The following KIF16B variants were observed in gnomAD, a reference collection of about 807,000 sequenced individuals.
KIF16B encodes kinesin family member 16B.
A neutral mutation model predicts 156.3 loss-of-function variants in KIF16B; 98 were observed. The ratio of observed to expected loss-of-function variants is 0.63; its 90% CI spans 0.53 to 0.74. The LOEUF is 0.74. Among genes scored for constraint, KIF16B ranks in the 30% least tolerant of loss-of-function variants. The pLI, the probability that KIF16B is intolerant of heterozygous loss-of-function variation, is 0.00. For synonymous variants in KIF16B, 564 were observed against 583.7 expected (o/e 0.97, Z 0.49); for missense variants, 1,421 against 1,606.5 (o/e 0.88, Z 1.97).
At chr20:16,480,815 T>C (rs1255305152) in intron 12 of KIF16B, among the ~76,000 whole-genome samples, 1 of 151,934 alleles carries the variant, frequency 6.6e-6, no homozygotes, top group East Asian at 1.9e-4. Flanking sequence ...AATAGTTTTT[T>C]TTTAATTCTG....
At chr20:16,457,836 G>A (rs1209319452) in intron 12 of KIF16B, among the ~76,000 whole-genome samples, 3 of 151,970 alleles carry the variant, frequency 2.0e-5, no homozygotes, top group South Asian at 2.1e-4. Context: ...TAGCCACGCC[G>A]GCACACTGGT....
intron 12 of KIF16B, among the ~76,000 whole-genome samples, chr20:16,487,641 C>A (rs1002911): frequency 0.22 from 33,110 of 152,104 alleles, 7,143 homozygotes; most frequent in African/African-American, 0.56. Flanking sequence ...AAACTCAGAA[C>A]ATCTTAAGCC....
At chr20:16,371,602 A>T in intron 21 of KIF16B, 63 bp downstream of exon 21, 1 of 1,094,524 alleles carries the variant, frequency 9.1e-7, no homozygotes, top group Non-Finnish European at 1.3e-6. Context: ...AAAAAAAAAA[A>T]AAAAGGAAAA....
At chr20:16,360,992 G>A (rs967924838) in intron 22 of KIF16B, among the ~76,000 whole-genome samples, 19 of 152,104 alleles carry the variant, frequency 1.2e-4, no homozygotes, top group Admixed American at 5.9e-4. Flanking sequence ...TGTACCAGAC[G>A]GTCAAATTCA....
intron 15 of KIF16B, among the ~76,000 whole-genome samples, chr20:16,411,971 T>TGTGTGA (rs1191802935): frequency 9.4e-5 from 14 of 149,700 alleles, no homozygotes; most frequent in African/African-American, 3.5e-4. Context: ...TGTGTGTGTG[T>TGTGTGA]GACTCATTGC....
intron 15 of KIF16B, among the ~76,000 whole-genome samples, chr20:16,409,433 C>T (rs1267500269): frequency 1.3e-5 from 2 of 151,952 alleles, no homozygotes; most frequent in Non-Finnish European, 2.9e-5. Context: ...TGTGTTTTAT[C>T]TAGTTGTAAG....
At chr20:16,281,955 A>T (rs530159787) in intron 25 of KIF16B, among the ~76,000 whole-genome samples, 1 of 151,806 alleles carries the variant, frequency 6.6e-6, no homozygotes, top group East Asian at 1.9e-4. Context: ...CATGCACCCA[A>T]TAAGTACTTA....
intron 25 of KIF16B, among the ~76,000 whole-genome samples, chr20:16,287,469 AACTATTCATT>A (rs968607128): frequency 5.9e-5 from 9 of 152,374 alleles, no homozygotes; most frequent in African/African-American, 2.2e-4. Flanking sequence ...ACAGAATCAG[AACTATTCATT>A]ACGGCTATTC....
At chr20:16,474,365 C>T (rs2146784152) in intron 12 of KIF16B, among the ~76,000 whole-genome samples, 1 of 152,310 alleles carries the variant, frequency 6.6e-6, no homozygotes, top group East Asian at 1.9e-4. Flanking sequence ...GATTTTTATG[C>T]AATTCCAATG....
intron 5 of KIF16B, 126 bp downstream of exon 5, chr20:16,512,700 G>A (rs1038387993): frequency 5.0e-6 from 3 of 601,246 alleles, no homozygotes; most frequent in African/African-American, 1.8e-5. Flanking sequence ...AATCACAGGA[G>A]GGGAAAAGGG....
intron 12 of KIF16B, among the ~76,000 whole-genome samples, chr20:16,430,978 T>TAGAG (rs1467712009): frequency 6.6e-6 from 1 of 151,906 alleles, no homozygotes; most frequent in African/African-American, 2.4e-5. Flanking sequence ...AAACCTTGAT[T>TAGAG]CTCTCTGCCT....
In KIF16B at chr20:16,573,175, C is replaced by G. The variant is rs868012826; in HGVS notation, c.47+54G>C. On this transcript the variant is annotated intron_variant, in intron 1 of 25. Transcript: ENST00000354981. ...TGGCTTTGGGGGAGCTGGAAACAGG[C>G]TTCCTCTGGGTGGGGGCGCGACGAG... 16 of 1,496,628 alleles carry G rather than the reference C, an allele frequency of 1.1e-5. No individual in the cohort carries two copies. The South Asian group carries it at 1.7e-4, about 16-fold the overall frequency. The allele number at this position is 1,496,628 out of a possible 1,614,324, so 92.7% of individuals were successfully genotyped here.
chr20:16,463,294 G>A (rs1315486450), intron 12 of KIF16B, among the ~76,000 whole-genome samples: 1 of 152,112 alleles, frequency 6.6e-6, no homozygotes, highest in Admixed American at 6.5e-5. Context: ...TATTTCCCTG[G>A]ACAATGATGC....
chr20:16,285,876 C>T (rs1480959142), intron 25 of KIF16B, among the ~76,000 whole-genome samples: 1 of 152,084 alleles, frequency 6.6e-6, no homozygotes, highest in Non-Finnish European at 1.5e-5. Flanking sequence ...AACACAGATG[C>T]CTCCATTTCA....
intron 24 of KIF16B, among the ~76,000 whole-genome samples, chr20:16,329,980 AC>A (rs2063920194): frequency 6.6e-6 from 1 of 152,232 alleles, no homozygotes; most frequent in Admixed American, 6.5e-5. Context: ...ATTACAAAGT[AC>A]AAAAAATTTA....
intron 1 of KIF16B, among the ~76,000 whole-genome samples, chr20:16,554,303 A>G (rs6135795): frequency 0.53 from 80,133 of 151,954 alleles, 21,261 homozygotes; most frequent in African/African-American, 0.58. Flanking sequence ...CCAGACTCGA[A>G]AAGACAATGA....
intron 23 of KIF16B, among the ~76,000 whole-genome samples, chr20:16,348,019 T>C (rs2064265997): frequency 6.6e-6 from 1 of 152,244 alleles, no homozygotes; most frequent in Non-Finnish European, 1.5e-5. Context: ...GCAATTTTTC[T>C]AGGCATTTCT....
At chr20:16,407,693 A>G (rs948247101) in intron 15 of KIF16B, among the ~76,000 whole-genome samples, 2 of 152,188 alleles carry the variant, frequency 1.3e-5, no homozygotes, top group Non-Finnish European at 2.9e-5. Context: ...TCAAGAATCA[A>G]TACTGGATAG....
At chr20:16,399,856 T>A (rs1048066622) in intron 17 of KIF16B, among the ~76,000 whole-genome samples, 2 of 152,204 alleles carry the variant, frequency 1.3e-5, no homozygotes, top group African/African-American at 4.8e-5. Flanking sequence ...CAATTCATTA[T>A]CCAAACCTCA....
Sources: gnomAD v4.1 joint callset for allele counts (sites outside exome capture counted in the v4.1 genomes callset) on GRCh38, gnomAD v4.1.1 for gene constraint, MANE v1.5 for transcripts, NCBI Gene and HGNC (gene_info 2026-07-23, HGNC 2026-07-21) for gene names.